The following TP63 variants were observed in gnomAD, a reference collection of about 807,000 sequenced individuals.
The protein encoded by TP63 is tumor protein p63.
In TP63, 17 loss-of-function variants were observed where a neutral mutation model predicts 82.8. The ratio of observed to expected loss-of-function variants is 0.21; its 90% CI spans 0.14 to 0.31. TP63 has a LOEUF of 0.31. Among genes scored for constraint, TP63 ranks in the 10% least tolerant of loss-of-function variants. The pLI is 1.00. For synonymous variants in TP63, 330 were observed against 321.7 expected (o/e 1.03, Z -0.28); for missense variants, 648 against 895.3 (o/e 0.72, Z 3.52).
chr3:189,657,285 G>C (rs1031640202), intron 1 of TP63, among the ~76,000 whole-genome samples: 1 of 152,024 alleles, frequency 6.6e-6, no homozygotes, highest in Admixed American at 6.6e-5. Context: ...TTATGAATTT[G>C]TCAAAACCAA....
At chr3:189,789,842 G>A in intron 3 of TP63, 2 of 1,589,022 alleles carry the variant, frequency 1.3e-6, no homozygotes, top group Non-Finnish European at 1.7e-6. Context: ...AATTTAGTGA[G>A]GTAAGGATTT....
chr3:189,691,060 G>C (rs1031637375), intron 1 of TP63, among the ~76,000 whole-genome samples: 3 of 152,004 alleles, frequency 2.0e-5, no homozygotes, highest in African/African-American at 7.3e-5. Flanking sequence ...ATTGTGGCTC[G>C]GTGCAGTGGC....
chr3:189,773,931 T>TC (rs1723568899), intron 3 of TP63, among the ~76,000 whole-genome samples: 1 of 143,954 alleles, frequency 6.9e-6, no homozygotes, highest in Non-Finnish European at 1.5e-5. Flanking sequence ...TTTTTTTTTT[T>TC]TTTTTTTTTG....
At chr3:189,693,047 A>G (rs1250730825) in intron 1 of TP63, among the ~76,000 whole-genome samples, 2 of 152,196 alleles carry the variant, frequency 1.3e-5, no homozygotes, top group Admixed American at 6.5e-5. Flanking sequence ...CAGTGTTTTC[A>G]GGAGAATAAC....
At chr3:189,797,425 A>C (rs1725826008) in intron 3 of TP63, among the ~76,000 whole-genome samples, 1 of 152,004 alleles carries the variant, frequency 6.6e-6, no homozygotes. Context: ...AAACACCCAA[A>C]GGGGCCATTT....
At chr3:189,792,279 A>T (rs1472689192) in intron 3 of TP63, among the ~76,000 whole-genome samples, 1 of 152,066 alleles carries the variant, frequency 6.6e-6, no homozygotes, top group Non-Finnish European at 1.5e-5. Flanking sequence ...TACAGCGGAG[A>T]GGCCGCAAGC....
intron 1 of TP63, among the ~76,000 whole-genome samples, chr3:189,702,334 G>A (rs1238989308): frequency 6.6e-6 from 1 of 152,318 alleles, no homozygotes; most frequent in Non-Finnish European, 1.5e-5. Context: ...AAGCCAAAAT[G>A]ATTCAAATTT....
chr3:189,631,671 C>A lies in TP63; in HGVS notation c.62+94C>A, dbSNP rs1729466873. The stretch of plus-strand genomic sequence containing the variant: ...AGCTGTGTACAAAGAACAATTCCTC[C>A]TTGTTTAGTCAGCACAGTGATATTA... On this transcript the variant is annotated intron_variant, in intron 1 of 13. Coordinates refer to ENST00000264731, the MANE Select transcript of TP63 (RefSeq NM_003722.5). 2.5e-6 allele frequency: 4 copies of A among 1,603,456 alleles called. No individual in the cohort carries two copies. The Admixed American group carries it at 6.7e-5, about 27-fold the overall frequency.
At chr3:189,738,837 G>A in intron 3 of TP63, 63 bp downstream of exon 3, 3 of 1,593,106 alleles carry the variant, frequency 1.9e-6, no homozygotes, top group Non-Finnish European at 1.7e-6. Context: ...TGTTAAACCT[G>A]TCTTTTCAGT....
At chr3:189,812,197 T>C (rs1392952381) in intron 4 of TP63, among the ~76,000 whole-genome samples, 3 of 152,236 alleles carry the variant, frequency 2.0e-5, no homozygotes, top group East Asian at 3.8e-4. Flanking sequence ...ACTGTCAAAA[T>C]ATAGCTAATA....
upstream of TP63, among the ~76,000 whole-genome samples, chr3:189,627,265 T>A (rs1485479870): frequency 6.6e-6 from 1 of 152,212 alleles, no homozygotes; most frequent in Non-Finnish European, 1.5e-5. Flanking sequence ...TTTGTTGGAC[T>A]TCTGGCCATA....
intron 1 of TP63, among the ~76,000 whole-genome samples, chr3:189,699,452 T>C (rs1039380506): frequency 9.8e-5 from 15 of 152,342 alleles, no homozygotes; most frequent in African/African-American, 2.6e-4. Flanking sequence ...TCCTATTTTG[T>C]CTTGGAGTCG....
chr3:189,719,505 G>A (rs1321012268), intron 1 of TP63, among the ~76,000 whole-genome samples: 1 of 151,986 alleles, frequency 6.6e-6, no homozygotes, highest in Admixed American at 6.6e-5. Context: ...TCCATTTTAT[G>A]GCATTATCAT....
chr3:189,738,830 T>C, intron 3 of TP63, 56 bp downstream of exon 3: 1 of 1,602,068 alleles, frequency 6.2e-7, no homozygotes, highest in Non-Finnish European at 8.5e-7. Context: ...ATAGCTCTGT[T>C]AAACCTGTCT....
intron 4 of TP63, among the ~76,000 whole-genome samples, chr3:189,836,313 G>C (rs1379043749): frequency 6.6e-6 from 1 of 152,088 alleles, no homozygotes; most frequent in Admixed American, 6.6e-5. Context: ...AAGTGTTGGA[G>C]GTTTACAAAC....
chr3:189,625,039 G>T, the TP63 span, among the ~76,000 whole-genome samples: 1 of 152,058 alleles, frequency 6.6e-6, no homozygotes, highest in Non-Finnish European at 1.5e-5. Flanking sequence ...ACTCTCTTGA[G>T]GTAAAAGGTG....
chr3:189,763,415 T>TTG (rs1481925984), intron 3 of TP63, among the ~76,000 whole-genome samples: 10 of 152,182 alleles, frequency 6.6e-5, no homozygotes, highest in Admixed American at 3.3e-4. Flanking sequence ...TCAGTTACGT[T>TTG]TGATGCTTGC....
intron 4 of TP63, among the ~76,000 whole-genome samples, chr3:189,817,585 G>A (rs981635343): frequency 6.6e-6 from 1 of 151,984 alleles, no homozygotes; most frequent in African/African-American, 2.4e-5. Context: ...CTGGATTTTT[G>A]TTTTTAGATT....
At chr3:189,761,645 C>A (rs535456173) in intron 3 of TP63, among the ~76,000 whole-genome samples, 84 of 152,300 alleles carry the variant, frequency 5.5e-4, no homozygotes, top group African/African-American at 1.9e-3. Context: ...CTGCCCGTTA[C>A]CCAGTTCCAA....
Sources: allele counts gnomAD v4.1 joint callset (sites outside exome capture counted in the v4.1 genomes callset), GRCh38; gene constraint gnomAD v4.1.1; transcripts MANE v1.5; gene names NCBI Gene and HGNC (gene_info 2026-07-23, HGNC 2026-07-21).